Variants in JPH2 observed in about 807,000 individuals in gnomAD.
The protein encoded by JPH2 is junctophilin 2, also known as junctophilin-2.
JPH2 carries 38 observed loss-of-function variants against 55.9 expected under a neutral mutation model. The observed-to-expected ratio is 0.68, with a 90% CI of 0.52 to 0.89. The LOEUF is 0.89. JPH2 is among the 40% of genes least tolerant of loss of function. The pLI is 0.00. For synonymous variants in JPH2, 480 were observed against 472.4 expected (o/e 1.02, Z -0.21); for missense variants, 964 against 1,037.6 (o/e 0.93, Z 0.97).
At chr20:44,163,750 G>A (rs1431360240) in intron 1 of JPH2, among the ~76,000 whole-genome samples, 1 of 152,218 alleles carries the variant, frequency 6.6e-6, no homozygotes, top group African/African-American at 2.4e-5. Context: ...AAGCACCAGT[G>A]AAACTTTAAA....
chr20:44,155,735 G>C (rs1396707924), intron 2 of JPH2, among the ~76,000 whole-genome samples: 2 of 152,156 alleles, frequency 1.3e-5, no homozygotes, highest in Non-Finnish European at 2.9e-5. Context: ...TATCTCACCA[G>C]TACTCCTCAA....
rs532781321 is a variant in JPH2 at position 44,117,985 on chromosome 20, A to G, written c.1288+520T>C. ...TTTACAGAGGTTAAACACCTCACTC[A>G]AAGTCTCACAGCTGGGAAGCAGCGG... On this transcript the variant is annotated intron_variant, in intron 3 of 5. Transcript: ENST00000372980. 2.2e-3 allele frequency among the ~76,000 whole-genome samples: 333 copies of G among 152,334 alleles called. 3 individuals are homozygous for G. The highest frequency in any genetic ancestry group is 7.7e-3 in the South Asian group (37 of 4,828).
intron 2 of JPH2, among the ~76,000 whole-genome samples, chr20:44,139,149 TC>T (rs1300320918): frequency 3.3e-5 from 5 of 152,062 alleles, no homozygotes; most frequent in African/African-American, 9.7e-5. Context: ...CCGGCTTTTT[TC>T]CCCCCAAGGA....
intron 2 of JPH2, among the ~76,000 whole-genome samples, chr20:44,122,327 A>G (rs1270536925): frequency 3.3e-5 from 5 of 152,206 alleles, no homozygotes; most frequent in South Asian, 2.1e-4. Flanking sequence ...CTGGATTCCA[A>G]TTTGGGCTCT....
At chr20:44,145,889 C>T (rs1194885996) in intron 2 of JPH2, among the ~76,000 whole-genome samples, 3 of 152,044 alleles carry the variant, frequency 2.0e-5, no homozygotes, top group African/African-American at 7.2e-5. Context: ...AAAATGAGCA[C>T]GTTGGGCCTC....
intron 2 of JPH2, among the ~76,000 whole-genome samples, chr20:44,152,473 C>T (rs558341647): frequency 5.3e-5 from 8 of 152,134 alleles, no homozygotes; most frequent in African/African-American, 1.7e-4. Flanking sequence ...CCAAGGAGTT[C>T]GAGACCTACC....
At chr20:44,135,834 GT>G (rs1171411866) in intron 2 of JPH2, among the ~76,000 whole-genome samples, 1 of 150,584 alleles carries the variant, frequency 6.6e-6, no homozygotes, top group Non-Finnish European at 1.5e-5. Flanking sequence ...AGAGAAGTCT[GT>G]GTGATCATTT....
chr20:44,165,287 T>A (rs62204502), intron 1 of JPH2, among the ~76,000 whole-genome samples: 1 of 136,112 alleles, frequency 7.3e-6, no homozygotes, highest in African/African-American at 3.0e-5. Flanking sequence ...AAGAAGCTTT[T>A]CAGGAAAAAA....
chr20:44,133,266 C>G (rs1241777151), intron 2 of JPH2, among the ~76,000 whole-genome samples: 2 of 150,146 alleles, frequency 1.3e-5, no homozygotes, highest in African/African-American at 2.5e-5. Flanking sequence ...CCTTTCCTGC[C>G]AGGACCCACA....
At chr20:44,118,755 AGC>A in intron 2 of JPH2, 132 bp from the exon 3 acceptor site, 1 of 759,292 alleles carries the variant, frequency 1.3e-6, no homozygotes, top group Non-Finnish European at 2.3e-6. Flanking sequence ...ATATTTATTG[AGC>A]CTCATGGCCC....
intron 1 of JPH2, among the ~76,000 whole-genome samples, chr20:44,169,016 G>A (rs918277051): frequency 2.0e-5 from 3 of 152,100 alleles, no homozygotes; most frequent in African/African-American, 7.2e-5. Context: ...CTCTTGCCAT[G>A]TGATCTCTGC....
intron 2 of JPH2, among the ~76,000 whole-genome samples, chr20:44,154,413 T>G (rs2072551130): frequency 6.6e-6 from 1 of 152,230 alleles, no homozygotes; most frequent in African/African-American, 2.4e-5. Flanking sequence ...GTTTCACATT[T>G]ACAGCGCATC....
At chr20:44,172,183 G>C (rs1425504876) in intron 1 of JPH2, among the ~76,000 whole-genome samples, 1 of 152,212 alleles carries the variant, frequency 6.6e-6, no homozygotes, top group African/African-American at 2.4e-5. Flanking sequence ...GCCTATGTCT[G>C]AGAGGTTTCC....
Position 44,134,719 on chromosome 20 carries a change from T to TATATAAAG in JPH2, c.1170-16097_1170-16096insCTTTATAT, listed in dbSNP as rs1569195338. Among the ~76,000 whole-genome samples the TATATAAAG allele has an allele frequency of 2.0e-3, 117 of 58,122 alleles. 8 individuals are homozygous for TATATAAAG. The highest frequency in any genetic ancestry group is 5.3e-3 in the African/African-American group (66 of 12,384). 38.1% of individuals were successfully genotyped at this position (58,122 alleles called of 152,430 possible). A position where few individuals can be genotyped will look rare whatever the true frequency, so the allele number is the denominator to read the frequency against. On this transcript the variant is annotated intron_variant, in intron 2 of 5. Coordinates refer to ENST00000372980, the MANE Select transcript of JPH2 (RefSeq NM_020433.5). ...TATATACATTAATATATATTATAAA[T>TATATAAAG]ATATATTTATTATAAATATATAAAG...
chr20:44,134,663 T>TATTA (rs1555855901), intron 2 of JPH2, among the ~76,000 whole-genome samples: 1 of 27,698 alleles, frequency 3.6e-5, no homozygotes, highest in Admixed American at 5.7e-4. Context: ...TATAAATATA[T>TATTA]ATAAATATAT....
At chr20:44,149,027 A>G (rs914983394) in intron 2 of JPH2, among the ~76,000 whole-genome samples, 60 of 151,456 alleles carry the variant, frequency 4.0e-4, no homozygotes, top group African/African-American at 1.5e-3. Context: ...AGATGGCGCC[A>G]CTGCACTCCA....
At chr20:44,116,933 T>G (rs1459118721) in intron 3 of JPH2, among the ~76,000 whole-genome samples, 1 of 152,202 alleles carries the variant, frequency 6.6e-6, no homozygotes, top group Non-Finnish European at 1.5e-5. Flanking sequence ...TGGCCTCCTT[T>G]CTGCAGCCAG....
chr20:44,142,529 G>A (rs368245679), intron 2 of JPH2, among the ~76,000 whole-genome samples: 4 of 151,980 alleles, frequency 2.6e-5, no homozygotes, highest in East Asian at 3.9e-4. Flanking sequence ...TCCCTCTCCC[G>A]GGCAGCTCCC....
intron 2 of JPH2, among the ~76,000 whole-genome samples, chr20:44,139,452 T>C (rs1027007943): frequency 6.6e-6 from 1 of 152,186 alleles, no homozygotes; most frequent in Non-Finnish European, 1.5e-5. Context: ...ATTCAGTAAA[T>C]TGTGGCACAG....
Sources: allele counts gnomAD v4.1 joint callset (sites outside exome capture counted in the v4.1 genomes callset), GRCh38; gene constraint gnomAD v4.1.1; transcripts MANE v1.5; gene names NCBI Gene and HGNC (gene_info 2026-07-23, HGNC 2026-07-21).